Variants in DCC observed in about 807,000 individuals in gnomAD.
The protein encoded by DCC is netrin receptor DCC.
Under a neutral mutation model 172.5 loss-of-function variants are expected in DCC, and 58 were observed. That is an observed-to-expected ratio of 0.34 (90% confidence interval 0.27 to 0.42). DCC has a LOEUF of 0.42. Ranked by LOEUF, DCC falls within the 10% of genes least tolerant of loss-of-function variation. The pLI is 1.00. For missense variants in DCC, 1,740 were observed against 1,791.0 expected (o/e 0.97, Z 0.51); for synonymous variants, 709 against 644.5 (o/e 1.10, Z -1.52).
chr18:52,536,927 GTTA>G (rs1383250101), intron 1 of DCC, among the ~76,000 whole-genome samples: 1 of 152,094 alleles, frequency 6.6e-6, no homozygotes, highest in African/African-American at 2.4e-5. Flanking sequence ...AACCAGTTTA[GTTA>G]TTATTTTCTT....
At chr18:53,251,774 G>T (rs1245523052) in intron 12 of DCC, among the ~76,000 whole-genome samples, 1 of 151,872 alleles carries the variant, frequency 6.6e-6, no homozygotes, top group African/African-American at 2.4e-5. Context: ...AGAGAAATGT[G>T]CTCATTGATG....
intron 2 of DCC, among the ~76,000 whole-genome samples, chr18:52,869,950 G>A (rs923463981): frequency 1.3e-5 from 2 of 152,194 alleles, no homozygotes; most frequent in Non-Finnish European, 2.9e-5. Context: ...GGGAGGGCAG[G>A]GCTACAGCCC....
intron 2 of DCC, among the ~76,000 whole-genome samples, chr18:52,857,841 C>G (rs2039077952): frequency 6.6e-6 from 1 of 152,152 alleles, no homozygotes; most frequent in Admixed American, 6.5e-5. Context: ...CTCTAATGAG[C>G]CAAATCTGTG....
At chr18:52,890,417 T>G (rs928352441) in intron 2 of DCC, among the ~76,000 whole-genome samples, 1 of 152,086 alleles carries the variant, frequency 6.6e-6, no homozygotes, top group African/African-American at 2.4e-5. Context: ...TAAAGAAATA[T>G]AGGAAACAAG....
intron 25 of DCC, among the ~76,000 whole-genome samples, chr18:53,474,586 CTCTCT>C (rs1177121591): frequency 6.6e-6 from 1 of 152,206 alleles, no homozygotes; most frequent in Non-Finnish European, 1.5e-5. Flanking sequence ...CCTGCACAAG[CTCTCT>C]TCTCTTCTCT....
At chr18:53,337,245 A>G (rs1207455683) in intron 14 of DCC, among the ~76,000 whole-genome samples, 1 of 152,240 alleles carries the variant, frequency 6.6e-6, no homozygotes, top group Non-Finnish European at 1.5e-5. Flanking sequence ...CATTAAAATC[A>G]TTATGATTTC....
chr18:52,343,707 C>A (rs1421563690), intron 1 of DCC, among the ~76,000 whole-genome samples: 1 of 152,168 alleles, frequency 6.6e-6, no homozygotes, highest in African/African-American at 2.4e-5. Context: ...TTAATTAATT[C>A]TTCATACATG....
At chr18:53,356,537 CACT>C (rs1165398760) in intron 15 of DCC, among the ~76,000 whole-genome samples, 1 of 152,036 alleles carries the variant, frequency 6.6e-6, no homozygotes, top group Admixed American at 6.6e-5. Flanking sequence ...TAGTTTGTGC[CACT>C]ACTGAGACAA....
intron 1 of DCC, among the ~76,000 whole-genome samples, chr18:52,696,037 A>T (rs1262715797): frequency 1.3e-5 from 2 of 152,224 alleles, no homozygotes; most frequent in Non-Finnish European, 2.9e-5. Context: ...TAGCAGCTTA[A>T]AGTTAATTTT....
At chr18:52,567,316 C>T (rs1170886631) in intron 1 of DCC, among the ~76,000 whole-genome samples, 1 of 152,014 alleles carries the variant, frequency 6.6e-6, no homozygotes, top group African/African-American at 2.4e-5. Context: ...TAAGACAGGT[C>T]TACCAAGTCA....
intron 1 of DCC, among the ~76,000 whole-genome samples, chr18:52,476,376 T>C (rs147371564): frequency 0.017 from 2,527 of 152,264 alleles, 41 homozygotes; most frequent in Non-Finnish European, 0.023. Flanking sequence ...TGTGTGTGCA[T>C]TCGTGTGAGC....
chr18:52,938,539 T>C (rs572616955), intron 5 of DCC, among the ~76,000 whole-genome samples: 11 of 152,256 alleles, frequency 7.2e-5, no homozygotes, highest in Non-Finnish European at 1.3e-4. Context: ...ATAGTATCAT[T>C]ATTTATACCT....
intron 8 of DCC, among the ~76,000 whole-genome samples, chr18:53,178,707 A>C (rs1338832158): frequency 6.6e-6 from 1 of 152,174 alleles, no homozygotes; most frequent in Non-Finnish European, 1.5e-5. Context: ...TCGAGGAAAA[A>C]GACTTTCGTT....
At chr18:53,437,829 G>C (rs927681975) in intron 22 of DCC, among the ~76,000 whole-genome samples, 1 of 152,138 alleles carries the variant, frequency 6.6e-6, no homozygotes, top group Non-Finnish European at 1.5e-5. Flanking sequence ...AGCCCTCAGC[G>C]AGTGCAGGGC....
intron 2 of DCC, 151 bp downstream of exon 2, chr18:52,752,525 G>A: frequency 1.4e-6 from 1 of 695,620 alleles, no homozygotes; most frequent in Non-Finnish European, 2.5e-6. Context: ...TTTTTATGAA[G>A]TACAATGTCA....
chr18:52,823,586 A>G (rs1284549201), intron 2 of DCC, among the ~76,000 whole-genome samples: 2 of 152,082 alleles, frequency 1.3e-5, no homozygotes, highest in African/African-American at 4.8e-5. Context: ...AAGGTGGGAG[A>G]TGTAGGGGAC....
chr18:53,001,975 ATACT>A (rs1290339832), intron 5 of DCC, among the ~76,000 whole-genome samples: 1 of 152,160 alleles, frequency 6.6e-6, no homozygotes, highest in Non-Finnish European at 1.5e-5. Flanking sequence ...ACAATAAAAA[ATACT>A]TACTTTCATG....
At chr18:52,875,506 A>G (rs2039390026) in intron 2 of DCC, among the ~76,000 whole-genome samples, 1 of 152,210 alleles carries the variant, frequency 6.6e-6, no homozygotes, top group Admixed American at 6.5e-5. Flanking sequence ...AGATGTAGGA[A>G]GTTACGTAGA....
chr18:52,648,661 G>A (rs1231539531), intron 1 of DCC, among the ~76,000 whole-genome samples: 1 of 152,142 alleles, frequency 6.6e-6, no homozygotes, highest in Non-Finnish European at 1.5e-5. Context: ...AGACTAGATT[G>A]TGTGCCCAAT....
Sources: allele counts gnomAD v4.1 joint callset (sites outside exome capture counted in the v4.1 genomes callset), GRCh38; gene constraint gnomAD v4.1.1; transcripts MANE v1.5; gene names NCBI Gene and HGNC (gene_info 2026-07-23, HGNC 2026-07-21).